G3BP2: variants seen among roughly 807,000 people sequenced by gnomAD.
G3BP2 encodes G3BP stress granule assembly factor 2.
G3BP2 carries 11 observed loss-of-function variants against 56.7 expected under a neutral mutation model. That is an observed-to-expected ratio of 0.19 (90% CI 0.12 to 0.32). G3BP2 has a LOEUF of 0.32. Ranked by LOEUF, G3BP2 falls within the 10% of genes least tolerant of loss-of-function variation. The probability of loss-of-function intolerance (pLI) is 1.00; values close to 1 mark genes in which losing one functional copy is unlikely to be tolerated. For synonymous variants in G3BP2, 165 were observed against 191.6 expected (o/e 0.86, Z 1.15); for missense variants, 340 against 610.9 (o/e 0.56, Z 4.67).
At chr4:75,705,882 TAGTG>T (rs1169737696) in intron 3 of G3BP2, among the ~76,000 whole-genome samples, 1 of 152,184 alleles carries the variant, frequency 6.6e-6, no homozygotes, top group African/African-American at 2.4e-5. Context: ...AATATTTATT[TAGTG>T]AGCATAGGAA....
chr4:75,690,356 C>T (rs982823934), intron 3 of G3BP2, among the ~76,000 whole-genome samples: 2 of 151,224 alleles, frequency 1.3e-5, no homozygotes, highest in Non-Finnish European at 2.9e-5. Context: ...CTTTTGAATC[C>T]GGAAGGCAGA....
At chr4:75,676,309 C>T (rs147252914), upstream of G3BP2, among the ~76,000 whole-genome samples, 386 of 151,008 alleles carry the variant, frequency 2.6e-3, 1 homozygote, top group Non-Finnish European at 4.2e-3. Flanking sequence ...TTTCTCACAC[C>T]AATTTATTGA....
chr4:75,647,226 T>TA, intron 9 of G3BP2, 69 bp from the exon 10 acceptor site: 1 of 996,920 alleles, frequency 1.0e-6, no homozygotes, highest in Non-Finnish European at 1.5e-6. Flanking sequence ...GGAGTGAATG[T>TA]AAAAATCACT....
intron 3 of G3BP2, among the ~76,000 whole-genome samples, chr4:75,707,923 T>C (rs1035947515): frequency 6.6e-6 from 1 of 152,194 alleles, no homozygotes. Flanking sequence ...TTACTACAAA[T>C]GACCTGCTTT....
intron 8 of G3BP2, among the ~76,000 whole-genome samples, chr4:75,651,758 G>T (rs746608284): frequency 4.6e-5 from 7 of 152,148 alleles, no homozygotes; most frequent in Non-Finnish European, 7.4e-5. Flanking sequence ...AGGTCAAACA[G>T]AATATGAAGT....
intron 3 of G3BP2, among the ~76,000 whole-genome samples, chr4:75,703,487 G>A (rs1257861645): frequency 1.3e-5 from 2 of 152,080 alleles, no homozygotes; most frequent in East Asian, 1.9e-4. Context: ...GTCTACAAAG[G>A]GCCAGTCCTA....
intron 2 of G3BP2, chr4:75,661,647 A>AC: frequency 4.6e-6 from 1 of 218,560 alleles, no homozygotes; most frequent in Non-Finnish European, 9.1e-6. Flanking sequence ...GACAGAGGAG[A>AC]CCATGACTCT....
At chr4:75,710,980 T>C (rs968447726) in intron 3 of G3BP2, among the ~76,000 whole-genome samples, 3 of 152,152 alleles carry the variant, frequency 2.0e-5, no homozygotes, top group African/African-American at 7.2e-5. Flanking sequence ...GGCTTTATTT[T>C]ATTTTATCCT....
chr4:75,723,992 C>G (rs1162560089), intron 1 of G3BP2: 1 of 151,992 alleles, frequency 6.6e-6, no homozygotes, highest in Non-Finnish European at 1.5e-5. Flanking sequence ...ATGTATTTCT[C>G]TAGTAAGCTA....
intron 3 of G3BP2, among the ~76,000 whole-genome samples, chr4:75,710,665 C>CTTTA (rs1242021286): frequency 6.6e-6 from 1 of 152,000 alleles, no homozygotes; most frequent in South Asian, 2.1e-4. Context: ...GTCTGTCTGG[C>CTTTA]TTTATTTATT....
chr4:75,673,739 G>T, upstream of G3BP2: 1 of 611,268 alleles, frequency 1.6e-6, no homozygotes, highest in Non-Finnish European at 2.4e-6. Context: ...CAGCAACGCA[G>T]TGTCTTTTGT....
At chr4:75,675,285 T>C (rs1015217259), upstream of G3BP2, among the ~76,000 whole-genome samples, 3 of 152,224 alleles carry the variant, frequency 2.0e-5, no homozygotes, top group African/African-American at 7.2e-5. Context: ...ATTATAAATA[T>C]TCTTCACCAT....
chr4:75,691,813 C>T (rs1232677795), intron 3 of G3BP2, among the ~76,000 whole-genome samples: 3 of 152,114 alleles, frequency 2.0e-5, no homozygotes, highest in Admixed American at 6.6e-5. Flanking sequence ...CTCCGGGAAC[C>T]AAAGTCCAGA....
chr4:75,711,575 T>C (rs1271809376), intron 3 of G3BP2, among the ~76,000 whole-genome samples: 2 of 151,922 alleles, frequency 1.3e-5, no homozygotes, highest in African/African-American at 4.8e-5. Context: ...TAGCTGGGCA[T>C]GGTGGTGCGT....
intron 3 of G3BP2, among the ~76,000 whole-genome samples, chr4:75,693,431 A>G (rs920319948): frequency 6.7e-6 from 1 of 149,574 alleles, no homozygotes; most frequent in African/African-American, 2.5e-5. Flanking sequence ...TACAACCACC[A>G]CCTGCTTCAC....
chr4:75,720,010 G>A (rs998112307), intron 3 of G3BP2, among the ~76,000 whole-genome samples: 3 of 76,590 alleles, frequency 3.9e-5, no homozygotes, highest in African/African-American at 1.5e-4. Flanking sequence ...CAGGATGGGG[G>A]GGCCCAGAAC....
intron 1 of G3BP2, among the ~76,000 whole-genome samples, chr4:75,666,014 CAT>C (rs1733007563): frequency 6.6e-6 from 1 of 152,170 alleles, no homozygotes; most frequent in Non-Finnish European, 1.5e-5. Flanking sequence ...CCATCATATT[CAT>C]AGAGTACATA....
rs139462609 is a variant in G3BP2 at position 75,679,663 on chromosome 4, G to C, written c.-24-17614C>G. 7.5e-4 allele frequency among the ~76,000 whole-genome samples: 114 copies of C among 152,228 alleles called. No individual in the cohort carries two copies. In the East Asian group the frequency reaches 0.019, roughly 26 times the overall value. ...GCTACCTGAGTTTGAGAGAACAAAG[G>C]TTGCAAGTTCTAAGAAAGTCACTTC... is the stretch of plus-strand genomic sequence containing the variant. On this transcript the variant is annotated intron_variant, in intron 3 of 3. Coordinates refer to the G3BP2 transcript ENST00000499709.
chr4:75,710,442 T>TC (rs529264054), intron 3 of G3BP2, among the ~76,000 whole-genome samples: 313 of 152,254 alleles, frequency 2.1e-3, no homozygotes, highest in Non-Finnish European at 3.7e-3. Flanking sequence ...ATTATGTACT[T>TC]CCCCAAGTGA....
Sources: allele counts gnomAD v4.1 joint callset (sites outside exome capture counted in the v4.1 genomes callset), GRCh38; gene constraint gnomAD v4.1.1; transcripts MANE v1.5; gene names NCBI Gene and HGNC (gene_info 2026-07-23, HGNC 2026-07-21).